The following MYO7A variants were observed in gnomAD, a reference collection of about 807,000 sequenced individuals.
The protein encoded by MYO7A is unconventional myosin-VIIa.
Under a neutral mutation model 263.8 loss-of-function variants are expected in MYO7A, and 210 were observed. That is an observed-to-expected ratio of 0.80 (90% CI 0.71 to 0.89). The LOEUF (loss-of-function observed/expected upper bound fraction) is 0.89. Among genes scored for constraint, MYO7A ranks in the 40% least tolerant of loss-of-function variants. MYO7A has a pLI of 0.00. For missense variants in MYO7A, 2,820 were observed against 2,968.3 expected (o/e 0.95, Z 1.16); for synonymous variants, 1,239 against 1,197.3 (o/e 1.03, Z -0.72).
chr11:77,178,949 C>A, intron 19 of MYO7A, 96 bp from the exon 20 acceptor site: 1 of 934,014 alleles, frequency 1.1e-6, no homozygotes, highest in Non-Finnish European at 1.7e-6. Flanking sequence ...TAGGAAGTCA[C>A]AGAGCTGGGA....
intron 29 of MYO7A, 74 bp from the exon 30 acceptor site, chr11:77,190,623 A>C (rs1955989456): frequency 1.3e-6 from 2 of 1,490,404 alleles, no homozygotes; most frequent in South Asian, 2.4e-5. Flanking sequence ...CACAGAAAGC[A>C]GAGAGCCAAA....
chr11:77,167,982 G>A (rs1252021326), intron 15 of MYO7A, among the ~76,000 whole-genome samples: 5 of 152,208 alleles, frequency 3.3e-5, no homozygotes, highest in Admixed American at 3.3e-4. Flanking sequence ...GCACCCAGGA[G>A]AGTCCCCACC....
chr11:77,195,304 C>T (rs924269662), intron 32 of MYO7A, among the ~76,000 whole-genome samples: 3 of 152,012 alleles, frequency 2.0e-5, no homozygotes, highest in East Asian at 1.9e-4. Flanking sequence ...CCCCGAGGCC[C>T]GAACCCCCCC....
At chr11:77,161,928 C>A (rs1953037258) in intron 12 of MYO7A, among the ~76,000 whole-genome samples, 192 bp from the exon 13 acceptor site, 1 of 152,174 alleles carries the variant, frequency 6.6e-6, no homozygotes. Context: ...AGTCCTTTGC[C>A]CTTGCTGGGC....
rs1555078841 is a variant in MYO7A at position 77,174,771 on chromosome 11, C to T, written c.1951C>T (p.Leu651=). Residue 651 remains leucine, a synonymous_variant, in exon 17 of 49, where the codon CTG becomes TTG. Transcript: ENST00000409709. ...TGCCTGGCAGCTGTTCGACCGGCAC[C>T]TGTGCGTGCGCCAGCTGCGGTACTC... is the stretch of plus-strand genomic sequence containing the variant. The part of the protein sequence containing the change: ...FKKPMLFDRH[L]CVRQLRYSGM... 6.3e-7 allele frequency: 1 copy of T among 1,599,202 alleles called. No homozygotes were observed. Among genetic ancestry groups the T allele is most frequent in the Non-Finnish European group, 8.5e-7 (1 of 1,173,474 alleles).
At chr11:77,183,247 A>G (rs1392462451) in intron 26 of MYO7A, 90 bp downstream of exon 26, 12 of 1,073,874 alleles carry the variant, frequency 1.1e-5, no homozygotes, top group Non-Finnish European at 1.7e-5. Context: ...GGCCCACGGA[A>G]GCAGGAGCAG....
rs375435542 is a variant in MYO7A, at chr11:77,198,455, T to G, written c.4442-40T>G. ...GAGATTGAGAAGGGCTGGGCCTGGG[T>G]GTGGGAGGCCTGCCTCTCAGTGCCT... On this transcript the variant is annotated intron_variant, in intron 33 of 48. Transcript: ENST00000409709. The G allele has an allele frequency of 1.0e-4, 164 of 1,607,000 alleles. No homozygotes were observed. The African/African-American group carries it at 1.9e-3, about 18-fold the overall frequency.
chr11:77,166,292 GCT>G, intron 15 of MYO7A, 130 bp downstream of exon 15: 1 of 780,354 alleles, frequency 1.3e-6, no homozygotes. Context: ...CTTTGCTGTG[GCT>G]CCAGGAGGGG....
intron 3 of MYO7A, among the ~76,000 whole-genome samples, chr11:77,147,595 G>A (rs782662919): frequency 6.6e-6 from 1 of 152,096 alleles, no homozygotes; most frequent in Non-Finnish European, 1.5e-5. Context: ...TCCCCTAAGA[G>A]AAGGAGCGGT....
chr11:77,160,625 T>C (rs1591288782), intron 11 of MYO7A, among the ~76,000 whole-genome samples: 1 of 152,160 alleles, frequency 6.6e-6, no homozygotes, highest in East Asian at 1.9e-4. Context: ...CATCGAGCCT[T>C]CACCCACCAC....
Position 77,205,503 on chromosome 11 carries a change from C to G in MYO7A, c.5522C>G (p.Thr1841Arg), listed in dbSNP as rs746667217. The G allele has an allele frequency of 6.3e-7, 1 of 1,596,444 alleles. No individual in the cohort carries two copies. Among genetic ancestry groups the G allele is most frequent in the South Asian group, 1.1e-5 (1 of 87,778 alleles). Reference protein sequence around the residue: ...ERGWELLWLCTGLFPPSNILL... With the variant: ...ERGWELLWLCRGLFPPSNILL... The stretch of plus-strand genomic sequence containing the variant: ...GGTTGGGAGCTGCTCTGGCTGTGCA[C>G]GGGCCTTTTCCCACCCAGCAACATC... Residue 1841 changes from threonine (T) to arginine (R), a missense_variant, in exon 40 of 49, where the codon ACG becomes AGG. Thr to Arg is a moderately conservative substitution (Grantham distance 71, BLOSUM62 -1). Transcript: ENST00000409709.
rs781983810 is a variant in MYO7A, at chr11:77,184,709, C to T, written c.3497C>T (p.Ala1166Val). 5.6e-6 allele frequency: 9 copies of T among 1,594,410 alleles called. No homozygotes were observed. The highest frequency in any genetic ancestry group is 7.7e-6 in the Non-Finnish European group (9 of 1,171,082). ...FIIGNGILRP[A>V]LRDEIYCQIS... ...ATCGGCAATGGCATCCTGCGGCCAGCACTCCGGTCAGTGCCGGGAGGCGGG... is the reference window on the plus strand; with the variant it reads ...ATCGGCAATGGCATCCTGCGGCCAGTACTCCGGTCAGTGCCGGGAGGCGGG... Residue 1166 changes from alanine (A) to valine (V), a missense_variant, in exon 27 of 49, where the codon GCA (alanine) becomes GTA (valine). Coordinates refer to ENST00000409709, the MANE Select transcript of MYO7A (RefSeq NM_000260.4).
rs1221077993 is a variant in MYO7A at position 77,201,653 on chromosome 11, G to A, written c.5043+15G>A. The A allele has an allele frequency of 8.7e-6, 14 of 1,609,352 alleles. No individual in the cohort carries two copies. The highest frequency in any genetic ancestry group is 1.1e-5 in the Non-Finnish European group (13 of 1,176,466). On this transcript the variant is annotated intron_variant, in intron 36 of 48. Transcript: ENST00000409709. The stretch of plus-strand genomic sequence containing the variant: ...GGGAGATTGTGGTATGTGGCCTGGG[G>A]GTGGCAGATGGGTGGGAGGTGCCAT...
intron 37 of MYO7A, among the ~76,000 whole-genome samples, 181 bp downstream of exon 37, chr11:77,202,605 T>C (rs1211202617): frequency 2.0e-5 from 3 of 152,046 alleles, no homozygotes; most frequent in African/African-American, 7.2e-5. Flanking sequence ...TCTCATCTTA[T>C]CTTCCTTCCT....
intron 32 of MYO7A, 40 bp from the exon 33 acceptor site, chr11:77,197,441 G>C: frequency 6.9e-7 from 1 of 1,458,848 alleles, no homozygotes. Context: ...AAACTCACTC[G>C]TATGTTGTCT....
intron 9 of MYO7A, 32 bp from the exon 10 acceptor site, chr11:77,159,415 T>A: frequency 1.7e-4 from 70 of 418,782 alleles, no homozygotes; most frequent in Non-Finnish European, 3.0e-4. Context: ...CCACCCTCCC[T>A]CCCCTGATGC....
rs111033391 is a variant in MYO7A, at chr11:77,190,144, G to A, written c.3750+5G>A. On this transcript the variant is annotated splice_donor_5th_base_variant and intron_variant, in intron 29 of 48. Transcript: ENST00000409709. ...CCCAGCTGGCTGGAGCTGCAGGTTC[G>A]TGCGTGTGTATGCACGTGCTCGTGT... 2,103 of 1,555,710 alleles carry A rather than the reference G, an allele frequency of 1.4e-3. 1 individual carries two copies. The highest frequency in any genetic ancestry group is 1.7e-3 in the Non-Finnish European group (1,960 of 1,150,616).
At position 77,207,286 on chromosome 11, in the gene MYO7A, CAGGCCTTCGAAG is replaced by C; in HGVS notation, c.5743-2_5752del. The C allele has an allele frequency of 6.2e-7, 1 of 1,605,398 alleles. No homozygotes were observed. The highest frequency in any genetic ancestry group is 1.7e-4 in the Middle Eastern group (1 of 6,018). ...GGAGCCCAGTGCTCACTGCCCCTCCCAGGCCTTCGAAGTGGAGTCCAGCACCAAGGCCAAGGA... is the reference window on the plus strand; with the variant it reads ...GGAGCCCAGTGCTCACTGCCCCTCCCTGGAGTCCAGCACCAAGGCCAAGGA... On this transcript the variant is annotated splice_acceptor_variant and coding_sequence_variant, in exon 42 of 49. Transcript: ENST00000409709. LOFTEE classifies it high-confidence loss of function.
rs397516297 is a variant in MYO7A, at chr11:77,181,535, G to A, written c.2850G>A (p.Leu950=). ...TGGTGGACAAGATGTTTGGCTTCCTGGGGACTTCAGGTGGCCTGCCAGGCC... is the reference window on the plus strand; with the variant it reads ...TGGTGGACAAGATGTTTGGCTTCCTAGGGACTTCAGGTGGCCTGCCAGGCC... ...SDMVDKMFGF[L]GTSGGLPGQE... is the part of the protein sequence containing the mutation. The change falls in exon 23 of 49, where the codon CTG becomes CTA. Residue 950 remains leucine (L), a synonymous_variant. Coordinates refer to ENST00000409709, the MANE Select transcript of MYO7A (RefSeq NM_000260.4). 21 of 1,613,346 alleles carry A rather than the reference G, an allele frequency of 1.3e-5. No homozygotes were observed. In the African/African-American group the frequency reaches 1.7e-4, roughly 13 times the overall value.
Sources: gnomAD v4.1 joint callset for allele counts (sites outside exome capture counted in the v4.1 genomes callset) on GRCh38, gnomAD v4.1.1 for gene constraint, MANE v1.5 for transcripts, NCBI Gene and HGNC (gene_info 2026-07-23, HGNC 2026-07-21) for gene names.